Variants in OPCML observed in about 807,000 individuals in gnomAD.
OPCML encodes the protein opioid-binding protein/cell adhesion molecule.
Under a neutral mutation model 37.8 loss-of-function variants are expected in OPCML, and 13 were observed. The ratio of observed to expected loss-of-function variants is 0.34; its 90% CI spans 0.22 to 0.55. OPCML has a LOEUF of 0.55. Among genes scored for constraint, OPCML ranks in the 20% least tolerant of loss-of-function variants. The probability of loss-of-function intolerance (pLI) is 0.91; values close to 1 mark genes in which losing one functional copy is unlikely to be tolerated. For synonymous variants in OPCML, 176 were observed against 168.8 expected (o/e 1.04, Z -0.33); for missense variants, 341 against 435.6 (o/e 0.78, Z 1.93).
rs147770309 is a variant in OPCML at position 132,820,321 on chromosome 11, A to G, written c.146+122605T>C. On this transcript the variant is annotated intron_variant, in intron 2 of 7. Coordinates refer to ENST00000524381, the MANE Select transcript of OPCML (RefSeq NM_001012393.5). ...CAAAGGAAGGAAAAGAAGCCAAAGC[A>G]TTTATTATTCCATATGTAGGTATTT... is the stretch of plus-strand genomic sequence containing the variant. Among the ~76,000 whole-genome samples, 11 of 152,258 alleles carry G rather than the reference A, an allele frequency of 7.2e-5. No individual in the cohort carries two copies. In the East Asian group the frequency reaches 1.9e-3, roughly 27 times the overall value.
Position 132,942,891 on chromosome 11 carries a change from A to AGGGGCTT in OPCML, c.146+34_146+35insAAGCCCC, listed in dbSNP as rs1555057345. On this transcript the variant is annotated intron_variant, in intron 2 of 7. Coordinates refer to ENST00000524381, the MANE Select transcript of OPCML (RefSeq NM_001012393.5). ...CTCCTCTCCCCAGCGACCACAGCCC[A>AGGGGCTT]GGGGCTCGGCCCCCGCGGAAGGACA... The AGGGGCTT allele has an allele frequency of 3.7e-6, 6 of 1,612,026 alleles. No homozygotes were observed. In the East Asian group the frequency reaches 1.1e-4, roughly 30 times the overall value.
chr11:132,516,825 T>C (rs1222580592), intron 4 of OPCML, among the ~76,000 whole-genome samples: 1 of 152,144 alleles, frequency 6.6e-6, no homozygotes, highest in African/African-American at 2.4e-5. Flanking sequence ...GATGACCCCC[T>C]GGTGTTAATT....
rs34217024 is a variant in OPCML, at chr11:132,511,822, C to G, written c.505+17239G>C. 2.0e-5 allele frequency among the ~76,000 whole-genome samples: 3 copies of G among 151,808 alleles called. No individual in the cohort carries two copies. The East Asian group carries it at 5.8e-4, about 29-fold the overall frequency. On this transcript the variant is annotated intron_variant, in intron 4 of 7. Transcript: ENST00000524381. ...TCTAGAAAAAAAACATAGAATATAA[C>G]GTTTTTAACCTCCATTAAGTGTGAA...
At chr11:133,358,731 A>G (rs11223447) in intron 1 of OPCML, among the ~76,000 whole-genome samples, 18,054 of 152,142 alleles carry the variant, frequency 0.12, 1,212 homozygotes, top group East Asian at 0.19. Flanking sequence ...GCTGACGGGC[A>G]GTGCTATTTC....
intron 2 of OPCML, among the ~76,000 whole-genome samples, chr11:132,725,660 T>G (rs1944852986): frequency 6.6e-6 from 1 of 151,944 alleles, no homozygotes. Context: ...TAAAACTGAA[T>G]GCCTTTAACA....
chr11:133,513,624 G>A (rs778043143), intron 1 of OPCML, among the ~76,000 whole-genome samples: 11 of 152,154 alleles, frequency 7.2e-5, no homozygotes, highest in Non-Finnish European at 1.5e-4. Flanking sequence ...TTGTTAACGT[G>A]TTTACAGAAT....
Position 133,205,346 on chromosome 11 carries a change from C to T in OPCML, c.62-262336G>A, listed in dbSNP as rs1820149093. On this transcript the variant is annotated intron_variant, in intron 1 of 7. Coordinates refer to ENST00000524381, the MANE Select transcript of OPCML (RefSeq NM_001012393.5). This position sits in a 1 kb window ranked among gnomAD's most constrained non-coding sequence, Gnocchi z 4.8. ...CACACACCTCTTCCAGCCGGCTGCT[C>T]CCCTGTATCCTCTATTGATACACAG... Among the ~76,000 whole-genome samples, 1 of 152,158 alleles carries T rather than the reference C, an allele frequency of 6.6e-6. No homozygotes were observed. The highest frequency in any genetic ancestry group is 6.5e-5 in the Admixed American group (1 of 15,278).
intron 1 of OPCML, among the ~76,000 whole-genome samples, chr11:133,209,124 G>A (rs524319): frequency 0.76 from 115,625 of 152,108 alleles, 44,281 homozygotes; most frequent in African/African-American, 0.85. Flanking sequence ...CCATTATATC[G>A]CTTAATTACA....
chr11:133,002,018 C>T (rs1013904876), intron 1 of OPCML, among the ~76,000 whole-genome samples: 1 of 152,170 alleles, frequency 6.6e-6, no homozygotes, highest in Non-Finnish European at 1.5e-5. Flanking sequence ...AGAGAGAAAA[C>T]AAACACAAGT....
At chr11:133,026,313 C>T in intron 1 of OPCML, 1 of 918,286 alleles carries the variant, frequency 1.1e-6, no homozygotes, top group Middle Eastern at 5.6e-4. Flanking sequence ...GCTTGTTCAG[C>T]TGTCAACATT....
intron 1 of OPCML, chr11:133,024,985 T>A (rs1947524544): frequency 1.0e-6 from 1 of 985,446 alleles, no homozygotes; most frequent in South Asian, 4.7e-5. Context: ...TTTAACACAC[T>A]GCCCTGATAA....
chr11:133,274,603 T>C (rs1294744617), intron 1 of OPCML, among the ~76,000 whole-genome samples: 1 of 152,130 alleles, frequency 6.6e-6, no homozygotes, highest in African/African-American at 2.4e-5. Context: ...AGTTCCCTGG[T>C]TGTGGTACTT....
intron 1 of OPCML, chr11:133,302,404 C>T (rs939617464): frequency 1.3e-5 from 2 of 152,826 alleles, no homozygotes; most frequent in African/African-American, 2.4e-5. Context: ...CTGAGGCCTT[C>T]CCTGCCATGT....
chr11:133,055,408 C>T (rs931136448), intron 1 of OPCML, among the ~76,000 whole-genome samples: 1 of 149,032 alleles, frequency 6.7e-6, no homozygotes, highest in Admixed American at 6.6e-5. Flanking sequence ...GAGGGAGACG[C>T]CTCTACCGTA....
chr11:133,035,370 G>C (rs1947758845), intron 1 of OPCML, among the ~76,000 whole-genome samples: 1 of 152,202 alleles, frequency 6.6e-6, no homozygotes, highest in African/African-American at 2.4e-5. Context: ...CAAGGCTGCA[G>C]AGAAAGAGAA....
intron 4 of OPCML, among the ~76,000 whole-genome samples, chr11:132,512,490 T>C (rs574728681): frequency 1.1e-4 from 16 of 151,972 alleles, no homozygotes; most frequent in Non-Finnish European, 1.9e-4. Context: ...AAACAAACAG[T>C]GGTACAATCA....
chr11:132,496,789 G>A (rs939294311), intron 4 of OPCML, among the ~76,000 whole-genome samples: 3 of 152,192 alleles, frequency 2.0e-5, no homozygotes, highest in African/African-American at 7.2e-5. Context: ...ATGCTACCAG[G>A]TTGCTCTCAG....
At chr11:133,132,059 TA>T (rs1370253477) in intron 1 of OPCML, among the ~76,000 whole-genome samples, 1 of 152,154 alleles carries the variant, frequency 6.6e-6, no homozygotes. Context: ...TCATCAAAAT[TA>T]AAAATTTTTT....
At chr11:132,887,459 C>A (rs1020212806) in intron 2 of OPCML, among the ~76,000 whole-genome samples, 22 of 152,284 alleles carry the variant, frequency 1.4e-4, no homozygotes, top group Admixed American at 3.9e-4. Context: ...AATGCATACC[C>A]AGTTTCCCAA....
Sources: allele counts gnomAD v4.1 joint callset (sites outside exome capture counted in the v4.1 genomes callset), GRCh38; gene constraint gnomAD v4.1.1; non-coding constraint Gnocchi (gnomAD v3.1); transcripts MANE v1.5; gene names NCBI Gene and HGNC (gene_info 2026-07-23, HGNC 2026-07-21).